The following GFRA1 variants were observed in gnomAD, a reference collection of about 807,000 sequenced individuals.
GFRA1 encodes GDNF family receptor alpha-1.
A neutral mutation model predicts 51.6 loss-of-function variants in GFRA1; 16 were observed. The ratio of observed to expected loss-of-function variants is 0.31; its 90% CI spans 0.21 to 0.47. The LOEUF is 0.47. GFRA1 is among the 20% of genes least tolerant of loss of function. The pLI is 1.00. For missense variants in GFRA1, 530 were observed against 594.3 expected, an observed-to-expected ratio of 0.89 and a Z score of 1.13; for synonymous variants, 270 against 241.3, an observed-to-expected ratio of 1.12 and a Z score of -1.10.
chr10:116,174,464 G>A (rs1961381797), intron 5 of GFRA1, among the ~76,000 whole-genome samples: 1 of 152,148 alleles, frequency 6.6e-6, no homozygotes, highest in South Asian at 2.1e-4. Flanking sequence ...AAAATCAATA[G>A]TCTGCCTACT....
intron 5 of GFRA1, among the ~76,000 whole-genome samples, chr10:116,205,926 T>TCACACACACACACACACACACA (rs55780139): frequency 7.0e-6 from 1 of 142,484 alleles, no homozygotes; most frequent in Admixed American, 7.1e-5. Context: ...TTTCCTCATA[T>TCACACACACACACACACACACA]CACACACACA....
chr10:116,166,248 G>A (rs1289613378), intron 5 of GFRA1, among the ~76,000 whole-genome samples: 1 of 152,156 alleles, frequency 6.6e-6, no homozygotes, highest in African/African-American at 2.4e-5. Context: ...GGGTAGTGTT[G>A]CAATGAACAT....
chr10:116,129,740 T>A (rs1025054530), intron 5 of GFRA1, among the ~76,000 whole-genome samples: 1 of 152,068 alleles, frequency 6.6e-6, no homozygotes, highest in African/African-American at 2.4e-5. Flanking sequence ...AAAAAGTAAT[T>A]GTACTTTGAA....
At chr10:116,105,685 C>A (rs1353561319) in intron 6 of GFRA1, among the ~76,000 whole-genome samples, 19 of 152,118 alleles carry the variant, frequency 1.2e-4, no homozygotes, top group Non-Finnish European at 2.9e-5. Flanking sequence ...GTACACATGC[C>A]CCTGGCTGGA....
chr10:116,063,611 A>G lies in GFRA1; in HGVS notation c.*787T>C, dbSNP rs1265742151. ...AGAGTATTAGAGCGACATTTCAGCT[A>G]TATTGGACTTTTGTTAGGTAAAGGG... On this transcript the variant is annotated 3_prime_UTR_variant, in exon 11 of 11. Coordinates refer to ENST00000355422, the MANE Select transcript of GFRA1 (RefSeq NM_005264.8). The G allele has an allele frequency of 6.6e-6, 1 of 152,190 alleles. No individual in the cohort carries two copies. Among genetic ancestry groups the G allele is most frequent in the African/African-American group, 2.4e-5 (1 of 41,444 alleles). 9.4% of individuals were successfully genotyped at this position (152,190 alleles called of 1,614,324 possible).
intron 5 of GFRA1, among the ~76,000 whole-genome samples, chr10:116,132,882 G>A (rs947033142): frequency 2.0e-5 from 3 of 152,102 alleles, no homozygotes; most frequent in African/African-American, 7.2e-5. Context: ...GGAGGATCAG[G>A]AGCCCGCCTG....
chr10:116,064,049 GA>G lies in GFRA1; in HGVS notation c.*348del. ...GTAAAACTGTTAAAATCATCATCAT[GA>G]TCATGATGATCATCATCATGATCAT... On this transcript the variant is annotated 3_prime_UTR_variant, in exon 11 of 11. Transcript: ENST00000355422. 1 of 105,214 alleles carries G rather than the reference GA, an allele frequency of 9.5e-6. No individual in the cohort carries two copies. Among genetic ancestry groups the G allele is most frequent in the Non-Finnish European group, 1.4e-5 (1 of 69,216 alleles). 6.5% of individuals were successfully genotyped at this position (105,214 alleles called of 1,614,324 possible).
chr10:116,194,065 TTA>T (rs201578204), intron 5 of GFRA1, among the ~76,000 whole-genome samples: 34,887 of 83,098 alleles, frequency 0.42, 4,860 homozygotes, highest in South Asian at 0.51. Context: ...TAAATAAAAT[TTA>T]AAAAAAAAAA....
intron 4 of GFRA1, among the ~76,000 whole-genome samples, chr10:116,212,192 A>G (rs533746777): frequency 3.9e-5 from 6 of 152,100 alleles, no homozygotes; most frequent in Non-Finnish European, 5.9e-5. Flanking sequence ...AAGCTACTAA[A>G]TACCCTAAAT....
Position 116,175,413 on chromosome 10 carries a change from G to C in GFRA1, c.433+36218C>G, listed in dbSNP as rs145546477. ...GCCTGAGCAAGCAGGAGCTCAGCAG[G>C]CTGCCTTCCGCCAAGGACAGAAGGA... On this transcript the variant is annotated intron_variant, in intron 5 of 10. Coordinates refer to ENST00000355422, the MANE Select transcript of GFRA1 (RefSeq NM_005264.8). Among the ~76,000 whole-genome samples, 384 of 152,304 alleles carry C rather than the reference G, an allele frequency of 2.5e-3. 2 individuals are homozygous for C. Among genetic ancestry groups the C allele is most frequent in the African/African-American group, 8.9e-3 (368 of 41,570 alleles).
chr10:116,264,772 G>A (rs1192536294), intron 4 of GFRA1, among the ~76,000 whole-genome samples: 1 of 152,192 alleles, frequency 6.6e-6, no homozygotes, highest in Non-Finnish European at 1.5e-5. Context: ...TCAAAATGGA[G>A]AGCAGGGCCT....
chr10:116,261,931 G>A (rs968995858), intron 4 of GFRA1, among the ~76,000 whole-genome samples: 7 of 152,132 alleles, frequency 4.6e-5, no homozygotes, highest in African/African-American at 9.7e-5. Context: ...ACGGGTAAAC[G>A]ATGCTAGAAG....
chr10:116,165,255 T>C (rs1960256748), intron 5 of GFRA1, among the ~76,000 whole-genome samples: 1 of 152,160 alleles, frequency 6.6e-6, no homozygotes, highest in Non-Finnish European at 1.5e-5. Flanking sequence ...CACATGGAGA[T>C]GGTGTGGCGA....
chr10:116,206,093 G>T (rs1453241604), intron 5 of GFRA1, among the ~76,000 whole-genome samples: 1 of 152,110 alleles, frequency 6.6e-6, no homozygotes, highest in African/African-American at 2.4e-5. Flanking sequence ...AGAGGAGTGT[G>T]ACTGGGGAGC....
intron 4 of GFRA1, among the ~76,000 whole-genome samples, chr10:116,219,318 A>G (rs1255562540): frequency 1.3e-5 from 2 of 152,318 alleles, no homozygotes; most frequent in East Asian, 3.9e-4. Flanking sequence ...CTAGTACTTT[A>G]TAGAGCTGAT....
At chr10:116,212,051 C>T (rs1965232038) in intron 4 of GFRA1, among the ~76,000 whole-genome samples, 1 of 152,154 alleles carries the variant, frequency 6.6e-6, no homozygotes, top group Non-Finnish European at 1.5e-5. Context: ...TTATAGTTCT[C>T]ATTTTATAGA....
intron 6 of GFRA1, among the ~76,000 whole-genome samples, chr10:116,117,589 A>ATGGATGGATGGG (rs1347647380): frequency 6.1e-5 from 7 of 113,894 alleles, no homozygotes; most frequent in African/African-American, 2.2e-4. Flanking sequence ...GGATGGATGG[A>ATGGATGGATGGG]TGGATGGATG....
intron 5 of GFRA1, among the ~76,000 whole-genome samples, chr10:116,199,673 T>C (rs1416772978): frequency 6.6e-6 from 1 of 152,216 alleles, no homozygotes; most frequent in African/African-American, 2.4e-5. Context: ...CCCTAAATAT[T>C]TCAGTGAACA....
Position 116,103,265 on chromosome 10 carries a change from C to T in GFRA1, c.771-6501G>A, listed in dbSNP as rs548731618. On this transcript the variant is annotated intron_variant, in intron 6 of 10. Coordinates refer to ENST00000355422, the MANE Select transcript of GFRA1 (RefSeq NM_005264.8). The stretch of plus-strand genomic sequence containing the variant: ...TCCTCACCCAGAACCCAGAATACAC[C>T]AGTTGCCCCCAAAATTTTTACTTCT... Among the ~76,000 whole-genome samples, 62 of 152,294 alleles carry T rather than the reference C, an allele frequency of 4.1e-4. 1 individual carries two copies. The South Asian group carries it at 0.013, about 32-fold the overall frequency.
Sources: allele counts gnomAD v4.1 joint callset (sites outside exome capture counted in the v4.1 genomes callset), GRCh38; gene constraint gnomAD v4.1.1; transcripts MANE v1.5; gene names NCBI Gene and HGNC (gene_info 2026-07-23, HGNC 2026-07-21).